POT1: variants seen among roughly 807,000 people sequenced by gnomAD.
POT1 encodes protection of telomeres 1, also known as protection of telomeres protein 1.
Under a neutral mutation model 78.5 loss-of-function variants are expected in POT1, and 47 were observed. The observed-to-expected ratio is 0.60, with a 90% CI of 0.47 to 0.76. The LOEUF is 0.76. Ranked by LOEUF, POT1 falls within the 30% of genes least tolerant of loss-of-function variation. The pLI is 0.00. For missense variants in POT1, 646 were observed against 749.9 expected, an observed-to-expected ratio of 0.86 and a Z score of 1.62; for synonymous variants, 259 against 260.7, an observed-to-expected ratio of 0.99 and a Z score of 0.06.
chr7:124,871,664 G>T (rs968613672), intron 6 of POT1, among the ~76,000 whole-genome samples: 12 of 151,390 alleles, frequency 7.9e-5, no homozygotes, highest in Admixed American at 2.0e-4. Flanking sequence ...TTTAATATTT[G>T]GGTTGCTATA....
intron 16 of POT1, 78 bp downstream of exon 16, chr7:124,829,175 AG>A: frequency 3.2e-6 from 3 of 944,168 alleles, no homozygotes; most frequent in South Asian, 2.7e-5. Context: ...GTATACTTTC[AG>A]GTATACTGAA....
intron 6 of POT1, among the ~76,000 whole-genome samples, chr7:124,885,128 A>C (rs12706625): frequency 0.3 from 45,033 of 151,802 alleles, 6,757 homozygotes; most frequent in South Asian, 0.39. Flanking sequence ...TATATGAAAG[A>C]AGCACAGTAC....
At chr7:124,900,919 T>C (rs1194288943) in intron 3 of POT1, 2 of 265,774 alleles carry the variant, frequency 7.5e-6, no homozygotes, top group Admixed American at 6.9e-5. Context: ...CAGTCCCAGA[T>C]TGAACTGTGA....
chr7:124,921,191 A>G (rs1229767499), intron 2 of POT1, among the ~76,000 whole-genome samples: 2 of 152,170 alleles, frequency 1.3e-5, no homozygotes, highest in African/African-American at 2.4e-5. Context: ...AAACTGTCAT[A>G]GTATTTAACA....
intron 5 of POT1, among the ~76,000 whole-genome samples, chr7:124,895,892 G>C (rs1191341297): frequency 6.6e-6 from 1 of 151,390 alleles, no homozygotes; most frequent in African/African-American, 2.4e-5. Context: ...GTTTATATTG[G>C]GCCTTCAGAT....
At chr7:124,914,280 G>A (rs758329434) in intron 3 of POT1, among the ~76,000 whole-genome samples, 4 of 152,106 alleles carry the variant, frequency 2.6e-5, no homozygotes, top group Non-Finnish European at 5.9e-5. Context: ...TGAGTACTCA[G>A]ACTTTGTTGT....
chr7:124,901,471 G>A (rs1234197759), intron 3 of POT1, among the ~76,000 whole-genome samples: 3 of 152,092 alleles, frequency 2.0e-5, no homozygotes, highest in Non-Finnish European at 4.4e-5. Flanking sequence ...AAACAGAAAG[G>A]AATAGCATCA....
chr7:124,923,559 T>C (rs1160406099), intron 2 of POT1, among the ~76,000 whole-genome samples: 1 of 151,712 alleles, frequency 6.6e-6, no homozygotes, highest in Non-Finnish European at 1.5e-5. Flanking sequence ...ATATGAATTA[T>C]CAGTATTCCT....
At chr7:124,894,791 G>T (rs1466185496) in intron 5 of POT1, among the ~76,000 whole-genome samples, 1 of 151,586 alleles carries the variant, frequency 6.6e-6, no homozygotes, top group Admixed American at 6.6e-5. Flanking sequence ...GTGAACAAAT[G>T]TGTTAGCGGG....
intron 17 of POT1, among the ~76,000 whole-genome samples, chr7:124,825,811 C>G (rs1011111541): frequency 1.3e-5 from 2 of 152,038 alleles, no homozygotes; most frequent in Non-Finnish European, 2.9e-5. Context: ...AGGATAGTAC[C>G]TAGTACATAG....
intron 2 of POT1, among the ~76,000 whole-genome samples, chr7:124,917,049 C>T (rs187180155): frequency 6.6e-6 from 1 of 152,226 alleles, no homozygotes; most frequent in East Asian, 1.9e-4. Flanking sequence ...AAAACACCTT[C>T]TATCCCTGTT....
intron 6 of POT1, among the ~76,000 whole-genome samples, chr7:124,883,608 G>C (rs190381453): frequency 6.6e-6 from 1 of 152,006 alleles, no homozygotes; most frequent in Admixed American, 6.5e-5. Context: ...TAAATATTCA[G>C]GTAAGTGAAT....
chr7:124,829,365 C>T (rs757604172), intron 15 of POT1, 23 bp from the exon 16 acceptor site: 3 of 1,396,786 alleles, frequency 2.1e-6, no homozygotes, highest in Non-Finnish European at 2.0e-6. Flanking sequence ...AAAGAAAGAA[C>T]CATAAATATT....
At chr7:124,905,951 C>T (rs1796755147) in intron 3 of POT1, among the ~76,000 whole-genome samples, 1 of 152,110 alleles carries the variant, frequency 6.6e-6, no homozygotes, top group Admixed American at 6.6e-5. Flanking sequence ...CCATCTCACA[C>T]CAGTTAGAAT....
At chr7:124,895,609 T>C (rs988980099) in intron 5 of POT1, among the ~76,000 whole-genome samples, 18 of 151,624 alleles carry the variant, frequency 1.2e-4, no homozygotes, top group African/African-American at 4.1e-4. Context: ...TAAAAATAAG[T>C]GTGAACAAAA....
At chr7:124,892,598 A>G (rs910715453) in intron 5 of POT1, 4 of 325,932 alleles carry the variant, frequency 1.2e-5, no homozygotes, top group African/African-American at 2.2e-5. Context: ...ACACTAGCTC[A>G]TAAAGGCATA....
chr7:124,905,286 T>A (rs1321775732), intron 3 of POT1, among the ~76,000 whole-genome samples: 1 of 152,056 alleles, frequency 6.6e-6, no homozygotes, highest in African/African-American at 2.4e-5. Context: ...AACAGAGATA[T>A]AGACCAATGG....
intron 2 of POT1, among the ~76,000 whole-genome samples, chr7:124,921,264 T>C (rs564462689): frequency 2.0e-5 from 3 of 152,162 alleles, no homozygotes; most frequent in African/African-American, 7.2e-5. Context: ...TTGGAAATAA[T>C]CAGTATTAAT....
chr7:124,861,017 T>C (rs972225891), intron 8 of POT1, among the ~76,000 whole-genome samples: 1 of 152,232 alleles, frequency 6.6e-6, no homozygotes, highest in Non-Finnish European at 1.5e-5. Context: ...TCGTGGGCAT[T>C]TGGGTTGGTT....
Sources: gnomAD v4.1 joint callset for allele counts (sites outside exome capture counted in the v4.1 genomes callset) on GRCh38, gnomAD v4.1.1 for gene constraint, MANE v1.5 for transcripts, NCBI Gene and HGNC (gene_info 2026-07-23, HGNC 2026-07-21) for gene names.